Variants in TESC observed in about 807,000 individuals in gnomAD.
TESC encodes tescalcin.
TESC carries 19 observed loss-of-function variants against 31.0 expected under a neutral mutation model. The ratio of observed to expected loss-of-function variants is 0.61; its 90% CI spans 0.43 to 0.90. TESC has a LOEUF of 0.90. TESC is among the 40% of genes least tolerant of loss of function. The pLI is 0.00. For missense variants in TESC, 248 were observed against 303.8 expected, an observed-to-expected ratio of 0.82 and a Z score of 1.36; for synonymous variants, 109 against 114.8, an observed-to-expected ratio of 0.95 and a Z score of 0.32.
intron 7 of TESC, among the ~76,000 whole-genome samples, chr12:117,039,799 A>G (rs1322537045): frequency 1.3e-5 from 2 of 152,244 alleles, no homozygotes; most frequent in African/African-American, 4.8e-5. Context: ...TTCTACCCAA[A>G]GATCACATGG....
chr12:117,069,958 C>T (rs141476733), intron 2 of TESC, among the ~76,000 whole-genome samples: 85 of 152,266 alleles, frequency 5.6e-4, no homozygotes, highest in African/African-American at 1.7e-3. Context: ...GCTGTCTGAG[C>T]GGGAAGGGGC....
chr12:117,090,618 TAGAC>T (rs1359577889), intron 1 of TESC, among the ~76,000 whole-genome samples: 1 of 152,182 alleles, frequency 6.6e-6, no homozygotes, highest in Admixed American at 6.5e-5. Flanking sequence ...GTGCTTTGCC[TAGAC>T]AGTAAGAGGC....
chr12:117,075,913 A>ATAATGTG (rs1265957613), intron 1 of TESC, among the ~76,000 whole-genome samples: 1 of 51,964 alleles, frequency 1.9e-5, no homozygotes, highest in Non-Finnish European at 3.3e-5. Flanking sequence ...ATATATATAT[A>ATAATGTG]TGTGTGTGTG....
intron 7 of TESC, among the ~76,000 whole-genome samples, chr12:117,041,694 A>C (rs1954486057): frequency 6.6e-6 from 1 of 152,200 alleles, no homozygotes; most frequent in Non-Finnish European, 1.5e-5. Flanking sequence ...AATTTGGTTT[A>C]CACTATATAC....
chr12:117,077,337 T>C (rs572056596), intron 1 of TESC, among the ~76,000 whole-genome samples: 3 of 152,222 alleles, frequency 2.0e-5, no homozygotes, highest in Non-Finnish European at 4.4e-5. Context: ...AATTTCTACC[T>C]TTCTGCAGGG....
chr12:117,097,286 G>A (rs1955408332), intron 1 of TESC, among the ~76,000 whole-genome samples: 2 of 152,176 alleles, frequency 1.3e-5, no homozygotes, highest in East Asian at 1.9e-4. Context: ...CAGCAAGAAG[G>A]GAAGCCGCTG....
At chr12:117,069,271 GCT>G (rs1438734805) in intron 2 of TESC, among the ~76,000 whole-genome samples, 1 of 151,936 alleles carries the variant, frequency 6.6e-6, no homozygotes, top group African/African-American at 2.4e-5. Context: ...ACAGAATCTC[GCT>G]CTGTCACCCA....
intron 2 of TESC, 136 bp from the exon 3 acceptor site, chr12:117,057,022 C>T (rs1593001123): frequency 1.5e-5 from 12 of 806,018 alleles, no homozygotes; most frequent in South Asian, 1.4e-4. Context: ...AGTTAGGAGA[C>T]AGAACTGGAA....
chr12:117,083,874 A>G (rs1396351201), intron 1 of TESC: 1 of 152,128 alleles, frequency 6.6e-6, no homozygotes, highest in East Asian at 1.9e-4. Context: ...AGGCGGGTAG[A>G]TCATTTGAGG....
intron 4 of TESC, among the ~76,000 whole-genome samples, 157 bp from the exon 5 acceptor site, chr12:117,046,995 C>A (rs141603910): frequency 1.3e-5 from 2 of 152,224 alleles, no homozygotes; most frequent in African/African-American, 4.8e-5. Context: ...AGACTGACTA[C>A]TTCCTACTGG....
chr12:117,063,410 CAAG>C (rs1394839953), intron 2 of TESC, among the ~76,000 whole-genome samples: 1 of 152,200 alleles, frequency 6.6e-6, no homozygotes, highest in Non-Finnish European at 1.5e-5. Context: ...GTCAGGCCAA[CAAG>C]AAGGGAAGGA....
chr12:117,064,558 G>A (rs1482893007), intron 2 of TESC, among the ~76,000 whole-genome samples: 1 of 152,252 alleles, frequency 6.6e-6, no homozygotes, highest in African/African-American at 2.4e-5. Context: ...GCCAGGCACT[G>A]TTCTAGGTGC....
intron 1 of TESC, among the ~76,000 whole-genome samples, chr12:117,075,897 A>ATATATGTGTGTG (rs1955058371): frequency 3.0e-5 from 2 of 66,396 alleles, no homozygotes; most frequent in African/African-American, 1.7e-4. Context: ...ATATATATAT[A>ATATATGTGTGTG]TATATATATA....
chr12:117,058,613 T>C (rs1039987124), intron 2 of TESC, among the ~76,000 whole-genome samples: 2 of 146,936 alleles, frequency 1.4e-5, no homozygotes, highest in East Asian at 3.9e-4. Flanking sequence ...CATGCGCCTG[T>C]AGTCCCAGCT....
At chr12:117,043,441 ATTGTTTTGTTTTCAT>A (rs1288275466) in intron 6 of TESC, among the ~76,000 whole-genome samples, 30 of 139,766 alleles carry the variant, frequency 2.1e-4, no homozygotes. Flanking sequence ...TCCAAGTGGT[ATTGTTTTGTTTTCAT>A]TTGTTTTGTT....
chr12:117,085,926 C>T (rs1224317292), intron 1 of TESC, among the ~76,000 whole-genome samples: 5 of 152,342 alleles, frequency 3.3e-5, no homozygotes, highest in East Asian at 3.9e-4. Flanking sequence ...CAATGTCCAA[C>T]AACTGGTGAG....
intron 1 of TESC, among the ~76,000 whole-genome samples, chr12:117,095,615 T>C (rs1369217892): frequency 6.6e-6 from 1 of 152,204 alleles, no homozygotes; most frequent in African/African-American, 2.4e-5. Context: ...TGGTGGCTCA[T>C]GCCTGTAACT....
intron 1 of TESC, among the ~76,000 whole-genome samples, chr12:117,088,744 C>A (rs1955258403): frequency 6.6e-6 from 1 of 151,804 alleles, no homozygotes; most frequent in African/African-American, 2.4e-5. Flanking sequence ...AATTTCAGGT[C>A]CTGCTACTTG....
intron 1 of TESC, among the ~76,000 whole-genome samples, chr12:117,075,924 T>TATATATATATATATATGTATATATAC (rs1565971715): frequency 3.1e-5 from 2 of 65,044 alleles, no homozygotes; most frequent in Non-Finnish European, 5.7e-5. Flanking sequence ...TGTGTGTGTG[T>TATATATATATATATATGTATATATAC]ATATATATAT....
Sources: allele counts gnomAD v4.1 joint callset (sites outside exome capture counted in the v4.1 genomes callset), GRCh38; gene constraint gnomAD v4.1.1; transcripts MANE v1.5; gene names NCBI Gene and HGNC (gene_info 2026-07-23, HGNC 2026-07-21).